Variants in MARCHF4 observed in about 807,000 individuals in gnomAD.
MARCHF4 encodes E3 ubiquitin-protein ligase MARCHF4.
A neutral mutation model predicts 43.9 loss-of-function variants in MARCHF4; 14 were observed. The ratio of observed to expected loss-of-function variants is 0.32; its 90% CI spans 0.21 to 0.50. The LOEUF (loss-of-function observed/expected upper bound fraction) is 0.50. MARCHF4 is among the 20% of genes least tolerant of loss of function. The probability of loss-of-function intolerance (pLI) is 0.98; values close to 1 mark genes in which losing one functional copy is unlikely to be tolerated. For synonymous variants in MARCHF4, 226 were observed against 213.3 expected, an observed-to-expected ratio of 1.06 and a Z score of -0.52; for missense variants, 468 against 536.7, an observed-to-expected ratio of 0.87 and a Z score of 1.27.
chr2:216,274,435 C>A (rs538255064), intron 3 of MARCHF4, among the ~76,000 whole-genome samples: 1 of 152,298 alleles, frequency 6.6e-6, no homozygotes, highest in East Asian at 1.9e-4. Context: ...ACCCGATTCT[C>A]CCTCCAGAGA....
At chr2:216,292,967 G>A (rs1051445319) in intron 1 of MARCHF4, among the ~76,000 whole-genome samples, 2 of 152,110 alleles carry the variant, frequency 1.3e-5, no homozygotes, top group African/African-American at 4.8e-5. Context: ...AATGGAGAAG[G>A]GTTTGACTCC....
In MARCHF4 at chr2:216,300,317, C is replaced by CATAT. The variant is rs368343136; in HGVS notation, c.517-16592_517-16589dup. ...TTTCTTAAATGCATATATATATGTG[C>CATAT]ATATATATATGTCCATCTCGATATA... On this transcript the variant is annotated intron_variant, in intron 1 of 3. Coordinates refer to ENST00000273067, the MANE Select transcript of MARCHF4 (RefSeq NM_020814.3). Among the ~76,000 whole-genome samples, 172 of 140,430 alleles carry CATAT rather than the reference C, an allele frequency of 1.2e-3. 1 individual carries two copies. Among genetic ancestry groups the CATAT allele is most frequent in the African/African-American group, 5.2e-3 (172 of 33,302 alleles). 92.1% of individuals were successfully genotyped at this position (140,430 alleles called of 152,430 possible).
In MARCHF4 at chr2:216,369,791, C is replaced by A; in HGVS notation, c.470G>T (p.Gly157Val). 6.2e-7 allele frequency: 1 copy of A among 1,611,926 alleles called. No homozygotes were observed. The highest frequency in any genetic ancestry group is 2.2e-5 in the East Asian group (1 of 44,862). Residue 157 changes from glycine to valine, a missense_variant, in exon 1 of 4, where the codon GGT (glycine) becomes GTT (valine). Around this residue, in one of 3 missense-constraint regions of MARCHF4, gnomAD observed 158 missense variants for 251.1 expected, o/e 0.63. Coordinates refer to ENST00000273067, the MANE Select transcript of MARCHF4 (RefSeq NM_020814.3). Reference sequence around the variant, plus strand: ...GATGCGGCAGAGTGGGGTCCTCATACCACTGTCCAAGCTGCTGCCCAGTGA... The same window carrying A: ...GATGCGGCAGAGTGGGGTCCTCATAACACTGTCCAAGCTGCTGCCCAGTGA... ...RYSLGSSLDS[G>V]MRTPLCRICF...
intron 1 of MARCHF4, among the ~76,000 whole-genome samples, chr2:216,332,922 G>C (rs56053330): frequency 0.075 from 11,402 of 152,244 alleles, 532 homozygotes; most frequent in South Asian, 0.12. Flanking sequence ...GGGAAAGTTA[G>C]TCTTCTTAAT....
intron 1 of MARCHF4, among the ~76,000 whole-genome samples, chr2:216,306,562 A>G (rs1204360674): frequency 1.3e-5 from 2 of 152,156 alleles, no homozygotes; most frequent in Non-Finnish European, 2.9e-5. Flanking sequence ...TTTGATCACT[A>G]TCAGTTTTAT....
chr2:216,331,265 G>A (rs557439418), intron 1 of MARCHF4, among the ~76,000 whole-genome samples: 89 of 151,626 alleles, frequency 5.9e-4, no homozygotes, highest in African/African-American at 2.2e-3. Flanking sequence ...TAGGTAAATG[G>A]AAAACTTTCT....
intron 1 of MARCHF4, among the ~76,000 whole-genome samples, chr2:216,327,250 A>G (rs1055942239): frequency 6.6e-6 from 1 of 152,108 alleles, no homozygotes; most frequent in Non-Finnish European, 1.5e-5. Context: ...TTTTTGATAA[A>G]AGCCCCATGC....
intron 1 of MARCHF4, among the ~76,000 whole-genome samples, chr2:216,320,834 CTTT>C (rs1181410298): frequency 1.0e-4 from 12 of 116,832 alleles, no homozygotes; most frequent in African/African-American, 3.7e-4. Flanking sequence ...CCATGCCTGG[CTTT>C]TTTTTTTTTT....
chr2:216,264,556 C>T (rs971061767), intron 3 of MARCHF4, among the ~76,000 whole-genome samples: 2 of 152,170 alleles, frequency 1.3e-5, no homozygotes, highest in Non-Finnish European at 2.9e-5. Flanking sequence ...GTAATCCCCT[C>T]GAGGACAGAG....
At chr2:216,271,981 T>G (rs2105935124) in intron 3 of MARCHF4, among the ~76,000 whole-genome samples, 1 of 127,404 alleles carries the variant, frequency 7.8e-6, no homozygotes, top group East Asian at 2.2e-4. Flanking sequence ...TTTTTTTTTT[T>G]TAGAGATCTC....
intron 1 of MARCHF4, among the ~76,000 whole-genome samples, chr2:216,314,480 C>T (rs1303259228): frequency 7.9e-5 from 12 of 152,072 alleles, no homozygotes; most frequent in African/African-American, 2.4e-4. Context: ...CACGCCACCA[C>T]GCCCAGCTAA....
chr2:216,304,214 T>C (rs1691543272), intron 1 of MARCHF4, among the ~76,000 whole-genome samples: 1 of 152,246 alleles, frequency 6.6e-6, no homozygotes, highest in African/African-American at 2.4e-5. Context: ...TGGCTTCTCA[T>C]ATATACATAT....
At chr2:216,344,420 G>A (rs191687072) in intron 1 of MARCHF4, among the ~76,000 whole-genome samples, 250 of 152,238 alleles carry the variant, frequency 1.6e-3, no homozygotes, top group Non-Finnish European at 2.5e-3. Flanking sequence ...AATGGGGAAG[G>A]GCCCAAAGTT....
At chr2:216,363,645 C>T (rs766536238) in intron 1 of MARCHF4, among the ~76,000 whole-genome samples, 30 of 152,248 alleles carry the variant, frequency 2.0e-4, no homozygotes, top group African/African-American at 7.0e-4. Context: ...CTGTGCTCCC[C>T]CTTTCCCAGG....
chr2:216,323,145 C>A (rs569873624), intron 1 of MARCHF4, among the ~76,000 whole-genome samples: 1 of 152,012 alleles, frequency 6.6e-6, no homozygotes, highest in African/African-American at 2.4e-5. Context: ...CAAACTGATA[C>A]CCTAGTAAGT....
Position 216,370,069 on chromosome 2 carries a change from C to T in MARCHF4, c.192G>A (p.Met64Ile). ...LRRPPQAPLP[M>I]HGDPQPPGLA... Reference sequence around the variant, plus strand: ...AACCGGGGGGCTGGGGGTCGCCGTGCATGGGCAGGGGCGCTTGAGGAGGGC... The same window carrying T: ...AACCGGGGGGCTGGGGGTCGCCGTGTATGGGCAGGGGCGCTTGAGGAGGGC... The change falls in exon 1 of 4, where the codon ATG becomes ATA. Residue 64 changes from methionine (M) to isoleucine (I), a missense_variant. Met to Ile is a conservative substitution (Grantham distance 10). Around this residue, in one of 3 missense-constraint regions of MARCHF4, gnomAD observed 190 missense variants for 158.5 expected, o/e 1.20. Coordinates refer to ENST00000273067, the MANE Select transcript of MARCHF4 (RefSeq NM_020814.3). 6.4e-7 allele frequency: 1 copy of T among 1,571,112 alleles called. No homozygotes were observed. The highest frequency in any genetic ancestry group is 8.6e-7 in the Non-Finnish European group (1 of 1,157,940).
intron 1 of MARCHF4, among the ~76,000 whole-genome samples, chr2:216,321,341 A>G (rs1691892911): frequency 6.6e-6 from 1 of 152,192 alleles, no homozygotes; most frequent in Non-Finnish European, 1.5e-5. Flanking sequence ...ATGGATATAT[A>G]TACAATTAAC....
chr2:216,348,625 A>G (rs1418287546), intron 1 of MARCHF4, among the ~76,000 whole-genome samples: 1 of 152,140 alleles, frequency 6.6e-6, no homozygotes, highest in Non-Finnish European at 1.5e-5. Context: ...TAACCATAAA[A>G]ATGGGCAACC....
At chr2:216,320,462 A>C (rs1691861519) in intron 1 of MARCHF4, among the ~76,000 whole-genome samples, 1 of 152,152 alleles carries the variant, frequency 6.6e-6, no homozygotes. Context: ...TGAGGCATGA[A>C]ATCATTTACT....
Sources: gnomAD v4.1 joint callset for allele counts (sites outside exome capture counted in the v4.1 genomes callset) on GRCh38, gnomAD v4.1.1 for gene constraint, gnomAD v4.1.1 regional missense constraint, MANE v1.5 for transcripts, NCBI Gene and HGNC (gene_info 2026-07-23, HGNC 2026-07-21) for gene names.